Variants in CBFA2T2 observed in about 807,000 individuals in gnomAD.
The protein encoded by CBFA2T2 is CBFA2/RUNX1 partner transcriptional co-repressor 2, also known as protein CBFA2T2.
In CBFA2T2, 11 loss-of-function variants were observed where a neutral mutation model predicts 62.2. The observed-to-expected ratio is 0.18, with a 90% confidence interval of 0.11 to 0.29. The LOEUF is 0.29. CBFA2T2 is among the 10% of genes least tolerant of loss of function. The pLI is 1.00. For missense variants in CBFA2T2, 592 were observed against 774.1 expected, an observed-to-expected ratio of 0.76 and a Z score of 2.79; for synonymous variants, 295 against 287.5, an observed-to-expected ratio of 1.03 and a Z score of -0.27.
intron 2 of CBFA2T2, among the ~76,000 whole-genome samples, chr20:33,609,305 A>G (rs547407452): frequency 5.1e-4 from 78 of 152,310 alleles, no homozygotes; most frequent in African/African-American, 1.3e-3. Context: ...GTTCGAGACC[A>G]GCCTGGCCAA....
chr20:33,518,490 C>T (rs1345822695), intron 1 of CBFA2T2, among the ~76,000 whole-genome samples: 1 of 151,788 alleles, frequency 6.6e-6, no homozygotes, highest in Non-Finnish European at 1.5e-5. Context: ...AGACCAGGCA[C>T]GGTGGCTCAC....
At chr20:33,602,098 A>G (rs974137298) in intron 1 of CBFA2T2, among the ~76,000 whole-genome samples, 5 of 152,218 alleles carry the variant, frequency 3.3e-5, no homozygotes, top group Admixed American at 2.6e-4. Flanking sequence ...GGCATGTGCC[A>G]TCATGCCCAA....
At chr20:33,515,240 A>G (rs1230160925) in intron 1 of CBFA2T2, among the ~76,000 whole-genome samples, 2 of 150,754 alleles carry the variant, frequency 1.3e-5, no homozygotes, top group African/African-American at 4.9e-5. Context: ...AGTCCCAGCT[A>G]CTTGGGAGGC....
At chr20:33,548,203 G>A (rs912309283) in intron 1 of CBFA2T2, among the ~76,000 whole-genome samples, 1 of 151,718 alleles carries the variant, frequency 6.6e-6, no homozygotes, top group Non-Finnish European at 1.5e-5. Flanking sequence ...GCATTCACCT[G>A]TAGGTTTCCT....
chr20:33,591,355 T>G (rs1244729831), intron 1 of CBFA2T2, among the ~76,000 whole-genome samples: 1 of 149,540 alleles, frequency 6.7e-6, no homozygotes, highest in Non-Finnish European at 1.5e-5. Flanking sequence ...CCTGCTGTAG[T>G]CCCAGCTACT....
At chr20:33,572,904 G>A (rs186346278) in intron 1 of CBFA2T2, among the ~76,000 whole-genome samples, 4 of 152,354 alleles carry the variant, frequency 2.6e-5, no homozygotes, top group Admixed American at 1.3e-4. Context: ...GCTGGAAGCA[G>A]CAAGACCAGA....
chr20:33,640,686 T>G (rs145183734), intron 10 of CBFA2T2, among the ~76,000 whole-genome samples, 155 bp downstream of exon 10: 1 of 152,212 alleles, frequency 6.6e-6, no homozygotes, highest in African/African-American at 2.4e-5. Context: ...TTGGTTCTCA[T>G]GCTAAGACTC....
intron 1 of CBFA2T2, among the ~76,000 whole-genome samples, chr20:33,519,423 T>C (rs2011669844): frequency 6.6e-6 from 1 of 152,128 alleles, no homozygotes; most frequent in Admixed American, 6.5e-5. Context: ...TGAGTCGAGA[T>C]TGCTCAACTG....
intron 1 of CBFA2T2, among the ~76,000 whole-genome samples, chr20:33,592,398 G>A (rs1341744054): frequency 6.9e-6 from 1 of 144,020 alleles, no homozygotes; most frequent in Non-Finnish European, 1.5e-5. Flanking sequence ...ATATAATTAT[G>A]TAAAAATTAT....
intron 1 of CBFA2T2, among the ~76,000 whole-genome samples, chr20:33,558,127 G>A (rs2012964360): frequency 2.0e-5 from 3 of 150,658 alleles, no homozygotes; most frequent in Non-Finnish European, 4.4e-5. Flanking sequence ...GCGCCTGGGC[G>A]CGCTCTCTCT....
chr20:33,647,325 C>G lies in CBFA2T2; in HGVS notation c.*2679C>G, dbSNP rs2017087890. On this transcript the variant is annotated 3_prime_UTR_variant, in exon 11 of 11. Coordinates refer to ENST00000342704, the MANE Select transcript of CBFA2T2 (RefSeq NM_001032999.3). ...TGAGACGGGAGTTTCTCTCTTGTCTCCCAGGCTGGAGTGCAATCGCGCAAT... is the reference window on the plus strand; with the variant it reads ...TGAGACGGGAGTTTCTCTCTTGTCTGCCAGGCTGGAGTGCAATCGCGCAAT... 1 of 152,250 alleles carries G rather than the reference C, an allele frequency of 6.6e-6. No homozygotes were observed. The highest frequency in any genetic ancestry group is 2.4e-5 in the African/African-American group (1 of 41,450). 9.4% of individuals were successfully genotyped at this position (152,250 alleles called of 1,614,324 possible). A position where few individuals can be genotyped will look rare whatever the true frequency, so the allele number is the denominator to read the frequency against.
chr20:33,603,512 C>T lies in CBFA2T2; in HGVS notation c.35-3444C>T, dbSNP rs375751673. On this transcript the variant is annotated intron_variant, in intron 1 of 10. Transcript: ENST00000342704. ...CACACATGCATTTATTTTTAATACACGTATACAAATATATTCAGAATAATC... is the reference window on the plus strand; with the variant it reads ...CACACATGCATTTATTTTTAATACATGTATACAAATATATTCAGAATAATC... Among the ~76,000 whole-genome samples, 4 of 152,172 alleles carry T rather than the reference C, an allele frequency of 2.6e-5. No homozygotes were observed. In the East Asian group the frequency reaches 5.8e-4, roughly 22 times the overall value.
chr20:33,506,132 G>T (rs1568789884), intron 1 of CBFA2T2, among the ~76,000 whole-genome samples: 1 of 152,080 alleles, frequency 6.6e-6, no homozygotes, highest in East Asian at 1.9e-4. Context: ...AAGGGGCTGG[G>T]TATGGTGGCT....
At chr20:33,565,217 C>T (rs1211773069) in intron 1 of CBFA2T2, among the ~76,000 whole-genome samples, 1 of 152,212 alleles carries the variant, frequency 6.6e-6, no homozygotes. Flanking sequence ...CTGCGCCCGG[C>T]TCCAAGTTTT....
chr20:33,554,576 T>C (rs2012835804), intron 1 of CBFA2T2, among the ~76,000 whole-genome samples: 1 of 149,762 alleles, frequency 6.7e-6, no homozygotes, highest in South Asian at 2.1e-4. Flanking sequence ...TTCTTTTCTT[T>C]TCTTTCCTTT....
chr20:33,599,588 CT>C lies in CBFA2T2; in HGVS notation c.35-7354del, dbSNP rs1207752005. ...TGTAAAATACTTTCTGGTAATTTCC[CT>C]TTTTTTTTTTTTTGAGACGGAGCCT... is the stretch of plus-strand genomic sequence containing the variant. On this transcript the variant is annotated intron_variant, in intron 1 of 10. Coordinates refer to ENST00000342704, the MANE Select transcript of CBFA2T2 (RefSeq NM_001032999.3). 7.3e-3 allele frequency among the ~76,000 whole-genome samples: 1,026 copies of C among 141,256 alleles called. 7 individuals are homozygous for C. Among genetic ancestry groups the C allele is most frequent in the African/African-American group, 0.021 (820 of 38,804 alleles). 92.7% of individuals were successfully genotyped at this position (141,256 alleles called of 152,430 possible).
chr20:33,500,818 G>A (rs1375919012), intron 1 of CBFA2T2, among the ~76,000 whole-genome samples: 1 of 152,150 alleles, frequency 6.6e-6, no homozygotes, highest in African/African-American at 2.4e-5. Flanking sequence ...TGGCCTTAGA[G>A]ATGAATTAAA....
intron 1 of CBFA2T2, among the ~76,000 whole-genome samples, chr20:33,560,933 A>C (rs944744790): frequency 6.6e-6 from 1 of 152,034 alleles, no homozygotes; most frequent in East Asian, 1.9e-4. Flanking sequence ...GCTGGAGTGC[A>C]GTGGCATGAT....
At chr20:33,598,300 G>A (rs2014973469) in intron 1 of CBFA2T2, among the ~76,000 whole-genome samples, 2 of 152,118 alleles carry the variant, frequency 1.3e-5, no homozygotes, top group South Asian at 4.1e-4. Flanking sequence ...GGAGACTGGG[G>A]TCTATTTCAC....
Sources: allele counts gnomAD v4.1 joint callset (sites outside exome capture counted in the v4.1 genomes callset), GRCh38; gene constraint gnomAD v4.1.1; transcripts MANE v1.5; gene names NCBI Gene and HGNC (gene_info 2026-07-23, HGNC 2026-07-21).